RTL4: variants seen among roughly 807,000 people sequenced by gnomAD.
RTL4 encodes the protein retrotransposon Gag-like protein 4.
RTL4 carries 4 observed loss-of-function variants against 5.3 expected under a neutral mutation model. That is an observed-to-expected ratio of 0.75 (90% CI 0.37 to 1.72). The LOEUF is 1.72. Ranked by LOEUF, RTL4 falls within the 40% of genes most tolerant of loss-of-function variation. The pLI, the probability that RTL4 is intolerant of heterozygous loss-of-function variation, is 0.04. For synonymous variants in RTL4, 98 were observed against 87.3 expected, an observed-to-expected ratio of 1.12 and a Z score of -0.68; for missense variants, 260 against 227.1, an observed-to-expected ratio of 1.14 and a Z score of -0.93.
the RTL4 span, among the ~76,000 whole-genome samples, chrX:112,167,587 C>G: frequency 9.0e-6 from 1 of 110,887 alleles, no homozygotes; most frequent in South Asian, 3.8e-4. Context: ...AATGTGCCTG[C>G]TACTCTTTCT....
the RTL4 span, among the ~76,000 whole-genome samples, chrX:112,387,357 C>CTTT: frequency 9.5e-5 from 9 of 94,657 alleles, no homozygotes; most frequent in African/African-American, 3.6e-4. Flanking sequence ...ACCTATTTAT[C>CTTT]TTTTTTTTTT....
the RTL4 span, among the ~76,000 whole-genome samples, chrX:112,365,654 T>C: frequency 1.8e-5 from 2 of 111,516 alleles, no homozygotes; most frequent in African/African-American, 6.5e-5. Context: ...ATCTAACCCA[T>C]ACATAGGAAA....
chrX:112,194,756 G>A, the RTL4 span, among the ~76,000 whole-genome samples: 1 of 111,781 alleles, frequency 8.9e-6, no homozygotes, highest in African/African-American at 3.2e-5. Context: ...AACAATTATC[G>A]TGTAGCCTTT....
chrX:112,320,276 C>G, the RTL4 span: 33 of 111,724 alleles, frequency 3.0e-4, no homozygotes, highest in African/African-American at 1.1e-3. Flanking sequence ...TTGAGTTTTA[C>G]TCCGTAATTC....
the RTL4 span, among the ~76,000 whole-genome samples, chrX:112,325,218 T>C: frequency 9.0e-6 from 1 of 111,645 alleles, no homozygotes; most frequent in Non-Finnish European, 1.9e-5. Context: ...AAAATGGCCA[T>C]ACTGCCCAAG....
the RTL4 span, among the ~76,000 whole-genome samples, chrX:112,335,076 T>A: frequency 8.9e-6 from 1 of 112,044 alleles, no homozygotes; most frequent in African/African-American, 3.2e-5. Context: ...GAATATTTAA[T>A]CTTTAGGATC....
the RTL4 span, among the ~76,000 whole-genome samples, chrX:112,206,142 A>C: frequency 4.5e-5 from 5 of 111,766 alleles, no homozygotes; most frequent in South Asian, 1.1e-3. Context: ...GAAATCAAAG[A>C]CTTTTAATCG....
At chrX:112,145,832 G>T in the RTL4 span, among the ~76,000 whole-genome samples, 1 of 111,273 alleles carries the variant, frequency 9.0e-6, no homozygotes, top group Admixed American at 9.6e-5. Flanking sequence ...AATCCCAGCA[G>T]AAGAAACAAG....
chrX:112,108,054 G>T, the RTL4 span, among the ~76,000 whole-genome samples: 11 of 110,615 alleles, frequency 9.9e-5, no homozygotes, highest in Admixed American at 8.7e-4. Flanking sequence ...CTGTCTTCAA[G>T]TTCACAGATT....
chrX:112,235,229 T>C, the RTL4 span, among the ~76,000 whole-genome samples: 1 of 111,680 alleles, frequency 9.0e-6, no homozygotes, highest in African/African-American at 3.3e-5. Flanking sequence ...ATGGACTCAG[T>C]CAAAGAAAAA....
chrX:112,299,204 G>GAT, the RTL4 span, among the ~76,000 whole-genome samples: 3 of 111,801 alleles, frequency 2.7e-5, no homozygotes, highest in African/African-American at 9.7e-5. Context: ...TAGGTGGTCT[G>GAT]ATATATAACA....
the RTL4 span, among the ~76,000 whole-genome samples, chrX:112,324,482 G>T: frequency 9.0e-6 from 1 of 110,828 alleles, no homozygotes; most frequent in African/African-American, 3.3e-5. Context: ...CAGATCTTAT[G>T]TTTCGGTCTT....
the RTL4 span, among the ~76,000 whole-genome samples, chrX:112,384,177 C>T: frequency 8.9e-6 from 1 of 111,739 alleles, no homozygotes; most frequent in Non-Finnish European, 1.9e-5. Context: ...AGTGAGTGCA[C>T]GTTCTGCACC....
At chrX:112,372,433 A>G in the RTL4 span, among the ~76,000 whole-genome samples, 2 of 111,417 alleles carry the variant, frequency 1.8e-5, no homozygotes, top group Non-Finnish European at 3.8e-5. Context: ...GTTACTATGC[A>G]TGCATCCTGA....
At chrX:112,304,639 CTTTTTTTTTT>C in the RTL4 span, among the ~76,000 whole-genome samples, 3 of 48,372 alleles carry the variant, frequency 6.2e-5, no homozygotes, top group East Asian at 1.5e-3. Flanking sequence ...TTTCCCACAT[CTTTTTTTTTT>C]TTTTTTTTTT....
At chrX:112,333,025 G>A in the RTL4 span, among the ~76,000 whole-genome samples, 4 of 109,831 alleles carry the variant, frequency 3.6e-5, no homozygotes, top group South Asian at 3.9e-4. Flanking sequence ...TTGTCTTAAA[G>A]TCTGTTTTGT....
At chrX:112,310,332 A>C in the RTL4 span, among the ~76,000 whole-genome samples, 141 of 68,828 alleles carry the variant, frequency 2.0e-3, 2 homozygotes, top group African/African-American at 7.2e-3. Context: ...AAGAAGAGAG[A>C]CCTTACTGGA....
the RTL4 span, among the ~76,000 whole-genome samples, chrX:112,258,392 T>C: frequency 2.7e-5 from 3 of 110,931 alleles, no homozygotes; most frequent in Non-Finnish European, 5.7e-5. Context: ...TCTGGGAAAA[T>C]GAATATGTGG....
chrX:112,104,448 AT>A, the RTL4 span, among the ~76,000 whole-genome samples: 32 of 109,065 alleles, frequency 2.9e-4, no homozygotes, highest in Non-Finnish European at 4.0e-4. Flanking sequence ...TGGTAATTTT[AT>A]TTTTTTTTGT....
Sources: allele counts gnomAD v4.1 joint callset (sites outside exome capture counted in the v4.1 genomes callset), GRCh38; gene constraint gnomAD v4.1.1; transcripts MANE v1.5; gene names NCBI Gene and HGNC (gene_info 2026-07-23, HGNC 2026-07-21).